Variants in AGBL4 observed in about 807,000 individuals in gnomAD.
The protein encoded by AGBL4 is cytosolic carboxypeptidase 6.
A neutral mutation model predicts 66.4 loss-of-function variants in AGBL4; 58 were observed. The observed-to-expected ratio is 0.87, with a 90% CI of 0.71 to 1.09. The LOEUF (loss-of-function observed/expected upper bound fraction) is 1.09. Ranked by LOEUF, AGBL4 falls within the 50% of genes least tolerant of loss-of-function variation. The pLI is 0.00. For synonymous variants in AGBL4, 234 were observed against 222.9 expected (o/e 1.05, Z -0.44); for missense variants, 579 against 631.0 (o/e 0.92, Z 0.88).
chr1:49,513,717 T>A (rs2148788580), intron 3 of AGBL4, among the ~76,000 whole-genome samples: 1 of 152,136 alleles, frequency 6.6e-6, no homozygotes, highest in African/African-American at 2.4e-5. Context: ...GGTAAGTGAT[T>A]TATATTTTCT....
At chr1:49,896,645 ACAC>A (rs1649242161) in intron 1 of AGBL4, among the ~76,000 whole-genome samples, 1 of 143,228 alleles carries the variant, frequency 7.0e-6, no homozygotes, top group Non-Finnish European at 1.5e-5. Context: ...ACACACACAC[ACAC>A]ACACACAACT....
At position 49,718,112 on chromosome 1, in the gene AGBL4, T is replaced by A. The variant is rs139452652; in HGVS notation, c.158-20675A>T. 3.6e-3 allele frequency among the ~76,000 whole-genome samples: 548 copies of A among 152,128 alleles called. 3 individuals are homozygous for A. The highest frequency in any genetic ancestry group is 0.012 in the African/African-American group (495 of 41,538). On this transcript the variant is annotated intron_variant, in intron 2 of 13. Coordinates refer to ENST00000371839, the MANE Select transcript of AGBL4 (RefSeq NM_032785.4). ...GGATGTTTATCCCCTCCAAATCTCATGTTGAAATGTGATTCCCAATGTTAG... is the reference window on the plus strand; with the variant it reads ...GGATGTTTATCCCCTCCAAATCTCAAGTTGAAATGTGATTCCCAATGTTAG...
chr1:48,768,628 A>G (rs1378601212), intron 6 of AGBL4, among the ~76,000 whole-genome samples: 2 of 152,194 alleles, frequency 1.3e-5, no homozygotes, highest in Non-Finnish European at 2.9e-5. Context: ...AATGGGAGAA[A>G]TTTTGTCTTA....
intron 1 of AGBL4, among the ~76,000 whole-genome samples, chr1:49,875,160 T>C (rs1476663463): frequency 2.0e-5 from 3 of 147,050 alleles, no homozygotes; most frequent in South Asian, 2.2e-4. Context: ...ATTATTATTA[T>C]TATTTTTAAT....
intron 2 of AGBL4, among the ~76,000 whole-genome samples, chr1:49,712,245 T>A (rs1048198979): frequency 6.6e-6 from 1 of 151,912 alleles, no homozygotes; most frequent in Admixed American, 6.6e-5. Flanking sequence ...GATCTCCTTT[T>A]TAAAGGCTGA....
chr1:49,057,897 G>A (rs1173384935), intron 4 of AGBL4, among the ~76,000 whole-genome samples: 2 of 152,148 alleles, frequency 1.3e-5, no homozygotes, highest in Non-Finnish European at 2.9e-5. Flanking sequence ...TGGAGTGAAT[G>A]TGTATTGGTG....
chr1:49,913,200 T>A (rs1007561605), intron 1 of AGBL4, among the ~76,000 whole-genome samples: 2 of 152,224 alleles, frequency 1.3e-5, no homozygotes, highest in South Asian at 2.1e-4. Context: ...AAGGCATGAT[T>A]CTTCCTGAGG....
At chr1:49,607,712 GTC>G (rs1399329561) in intron 3 of AGBL4, among the ~76,000 whole-genome samples, 1 of 152,052 alleles carries the variant, frequency 6.6e-6, no homozygotes, top group African/African-American at 2.4e-5. Flanking sequence ...GATCAGCTGG[GTC>G]TCACTGATCT....
At chr1:48,857,962 C>A in intron 6 of AGBL4, among the ~76,000 whole-genome samples, 1 of 151,826 alleles carries the variant, frequency 6.6e-6, no homozygotes. Context: ...TTCTGAAAAC[C>A]TCTTAAATGC....
At chr1:49,330,993 G>C (rs1645321925) in intron 3 of AGBL4, among the ~76,000 whole-genome samples, 1 of 152,090 alleles carries the variant, frequency 6.6e-6, no homozygotes, top group Non-Finnish European at 1.5e-5. Context: ...CCCAGCCAAG[G>C]GAAGCAGTGA....
intron 1 of AGBL4, among the ~76,000 whole-genome samples, chr1:50,018,998 C>A (rs1662207833): frequency 6.6e-6 from 1 of 151,986 alleles, no homozygotes; most frequent in Non-Finnish European, 1.5e-5. Context: ...CAAAATCCAA[C>A]CCAAATTTAT....
At chr1:49,665,993 A>C (rs953366598) in intron 3 of AGBL4, among the ~76,000 whole-genome samples, 1 of 150,880 alleles carries the variant, frequency 6.6e-6, no homozygotes, top group Non-Finnish European at 1.5e-5. Context: ...ATATTTTAAT[A>C]TTTTTAAAAT....
chr1:48,679,672 T>C (rs946187646), intron 6 of AGBL4, among the ~76,000 whole-genome samples: 2 of 152,232 alleles, frequency 1.3e-5, no homozygotes, highest in Non-Finnish European at 2.9e-5. Flanking sequence ...AGCCAGTGGA[T>C]AAGCCAGGAT....
rs191700847 is a variant in AGBL4 at position 49,757,244 on chromosome 1, G to C, written c.158-59807C>G. 4.6e-5 allele frequency among the ~76,000 whole-genome samples: 7 copies of C among 152,300 alleles called. No homozygotes were observed. In the East Asian group the frequency reaches 1.3e-3, roughly 29 times the overall value. On this transcript the variant is annotated intron_variant, in intron 2 of 13. Transcript: ENST00000371839. ...ATTGTATATTTTTTGAGGCTTCCCA[G>C]CCATGCAAAACTGAGAGTCAATTAA... is the stretch of plus-strand genomic sequence containing the variant.
intron 2 of AGBL4, among the ~76,000 whole-genome samples, chr1:49,748,982 C>T (rs1271229778): frequency 6.6e-6 from 1 of 152,092 alleles, no homozygotes; most frequent in Admixed American, 6.6e-5. Context: ...ATGATAGTTT[C>T]TTTTGCTGTG....
At chr1:49,338,421 G>A (rs189866975) in intron 3 of AGBL4, among the ~76,000 whole-genome samples, 66 of 152,272 alleles carry the variant, frequency 4.3e-4, no homozygotes, top group Non-Finnish European at 8.4e-4. Flanking sequence ...ATCGTCATAA[G>A]ATCTATTAGG....
At chr1:49,010,848 TC>T (rs1243113781) in intron 5 of AGBL4, among the ~76,000 whole-genome samples, 1 of 151,424 alleles carries the variant, frequency 6.6e-6, no homozygotes, top group Non-Finnish European at 1.5e-5. Flanking sequence ...TGAAACTGGA[TC>T]CCTTCCTTAC....
rs147186969 is a variant in AGBL4, at chr1:49,895,486, C to A, written c.35-43968G>T. Among the ~76,000 whole-genome samples the A allele has an allele frequency of 6.5e-4, 99 of 152,034 alleles. 2 individuals are homozygous for A. The East Asian group carries it at 0.017, about 26-fold the overall frequency. On this transcript the variant is annotated intron_variant, in intron 1 of 13. Transcript: ENST00000371839. ...AACCAATCAAAAATAAATATAACAA[C>A]TTTTCAAGACATAAATAGTACAATA...
At chr1:49,518,276 C>A (rs561636593) in intron 3 of AGBL4, among the ~76,000 whole-genome samples, 1 of 152,104 alleles carries the variant, frequency 6.6e-6, no homozygotes, top group Non-Finnish European at 1.5e-5. Flanking sequence ...ATCCAACACA[C>A]TTTTCAAAAA....
Sources: gnomAD v4.1 joint callset for allele counts (sites outside exome capture counted in the v4.1 genomes callset) on GRCh38, gnomAD v4.1.1 for gene constraint, MANE v1.5 for transcripts, NCBI Gene and HGNC (gene_info 2026-07-23, HGNC 2026-07-21) for gene names.